The following ABCC1 variants were observed in gnomAD, a reference collection of about 807,000 sequenced individuals.
ABCC1 encodes the protein multidrug resistance-associated protein 1.
A neutral mutation model predicts 172.9 loss-of-function variants in ABCC1; 83 were observed. The observed-to-expected ratio is 0.48, with a 90% CI of 0.40 to 0.58. The LOEUF is 0.58. Among genes scored for constraint, ABCC1 ranks in the 20% least tolerant of loss-of-function variants. The pLI, the probability that ABCC1 is intolerant of heterozygous loss-of-function variation, is 0.00. For missense variants in ABCC1, 1,817 were observed against 2,002.7 expected (o/e 0.91, Z 1.77); for synonymous variants, 937 against 825.2 (o/e 1.14, Z -2.32).
Position 16,079,333 on chromosome 16 carries a change from G to T in ABCC1, c.1989-19G>T, listed in dbSNP as rs1226452420. 3 of 1,613,014 alleles carry T rather than the reference G, an allele frequency of 1.9e-6. 1 individual carries two copies. In the South Asian group the frequency reaches 3.3e-5, roughly 18 times the overall value. The stretch of plus-strand genomic sequence containing the variant: ...GCCTCATTCAGCGTGGCTGAGCCAG[G>T]TGTGTTGTGTCGTTTCAGCATCACC... On this transcript the variant is annotated intron_variant, in intron 15 of 30. Transcript: ENST00000399410.
At chr16:16,116,468 G>A (rs1312754030) in intron 23 of ABCC1, among the ~76,000 whole-genome samples, 1 of 151,798 alleles carries the variant, frequency 6.6e-6, no homozygotes, top group Non-Finnish European at 1.5e-5. Flanking sequence ...TATAAATTTG[G>A]CATAATAGAT....
chr16:16,019,101 T>C (rs1437862226), intron 5 of ABCC1, among the ~76,000 whole-genome samples: 1 of 152,082 alleles, frequency 6.6e-6, no homozygotes, highest in African/African-American at 2.4e-5. Context: ...GTTGTTTTTT[T>C]CTGTTGTTTT....
intron 1 of ABCC1, among the ~76,000 whole-genome samples, chr16:16,002,126 T>C (rs984415914): frequency 8.5e-5 from 13 of 152,188 alleles, no homozygotes; most frequent in Non-Finnish European, 1.9e-4. Context: ...AGGAGACCGA[T>C]GGAAGTCAAG....
chr16:16,058,863 C>CCAGG (rs944885666), intron 12 of ABCC1, among the ~76,000 whole-genome samples: 4 of 151,798 alleles, frequency 2.6e-5, no homozygotes, highest in African/African-American at 9.7e-5. Context: ...ACCATGTTGG[C>CCAGG]CAGGCTGGTC....
intron 14 of ABCC1, among the ~76,000 whole-genome samples, chr16:16,074,044 C>T (rs150618442): frequency 1.3e-5 from 2 of 152,278 alleles, no homozygotes; most frequent in East Asian, 1.9e-4. Flanking sequence ...CTGGTCTGAG[C>T]GAGATGGTCT....
In ABCC1 at chr16:16,071,745, G is replaced by T. The variant is rs1244597518; in HGVS notation, c.1912+16G>T. 3 of 1,609,460 alleles carry T rather than the reference G, an allele frequency of 1.9e-6. No individual in the cohort carries two copies. On this transcript the variant is annotated intron_variant, in intron 14 of 30. Coordinates refer to ENST00000399410, the MANE Select transcript of ABCC1 (RefSeq NM_004996.4). ...GTCAAAGACGGTGTGTGTGTGTTCA[G>T]TCCTGGCTTCTGGAAGTGGCCGCCT...
rs1398352031 is a variant in ABCC1, at chr16:16,033,110, A to T, written c.617A>T (p.Asn206Ile). 3.1e-6 allele frequency: 5 copies of T among 1,614,098 alleles called. No homozygotes were observed. The highest frequency in any genetic ancestry group is 4.2e-6 in the Non-Finnish European group (5 of 1,179,996). ...PLFSETIHDP[N>I]PCPESSASFL... ...AAACCTGTGCTTTCTTTCCACTAGAATCCCTGCCCAGAGTCCAGCGCTTCC... is the reference window on the plus strand; with the variant it reads ...AAACCTGTGCTTTCTTTCCACTAGATTCCCTGCCCAGAGTCCAGCGCTTCC... The change falls in exon 6 of 31, where the codon AAT (asparagine) becomes ATT (isoleucine). Residue 206 changes from asparagine to isoleucine, a missense_variant and splice_region_variant. Asn to Ile is a moderately radical substitution (Grantham distance 149). Coordinates refer to ENST00000399410, the MANE Select transcript of ABCC1 (RefSeq NM_004996.4).
At chr16:15,966,539 TTGG>T (rs1214241687) in intron 1 of ABCC1, among the ~76,000 whole-genome samples, 1 of 152,124 alleles carries the variant, frequency 6.6e-6, no homozygotes, top group Non-Finnish European at 1.5e-5. Context: ...TATAATTAGG[TTGG>T]CTTATCTGCG....
intron 1 of ABCC1, among the ~76,000 whole-genome samples, chr16:15,951,228 C>T (rs917364114): frequency 2.6e-5 from 4 of 151,980 alleles, no homozygotes; most frequent in South Asian, 4.1e-4. Context: ...TGTTTATTTT[C>T]TTCTGAATTG....
In ABCC1 at chr16:16,142,034, T is replaced by A. The variant is rs2046141873; in HGVS notation, c.*753T>A. On this transcript the variant is annotated 3_prime_UTR_variant, in exon 31 of 31. Transcript: ENST00000399410. ...ACCTGGAACTGTAGGGCCAGGGGATTGTCTCAGGGCCGACGTTCCACCTGG... is the reference window on the plus strand; with the variant it reads ...ACCTGGAACTGTAGGGCCAGGGGATAGTCTCAGGGCCGACGTTCCACCTGG... The A allele has an allele frequency of 6.6e-6, 1 of 152,268 alleles. No individual in the cohort carries two copies. The highest frequency in any genetic ancestry group is 1.5e-5 in the Non-Finnish European group (1 of 68,068). 9.4% of individuals were successfully genotyped at this position (152,268 alleles called of 1,614,324 possible).
intron 22 of ABCC1, among the ~76,000 whole-genome samples, chr16:16,113,613 G>A (rs2044719505): frequency 6.6e-6 from 1 of 152,112 alleles, no homozygotes; most frequent in South Asian, 2.1e-4. Context: ...CGTGATCACA[G>A]CCCTGTACTC....
At position 16,007,929 on chromosome 16, in the gene ABCC1, C is replaced by A; in HGVS notation, c.162C>A (p.Phe54Leu). 1 of 1,612,356 alleles carries A rather than the reference C, an allele frequency of 6.2e-7. No individual in the cohort carries two copies. The highest frequency in any genetic ancestry group is 8.5e-7 in the Non-Finnish European group (1 of 1,179,558). ...FYLWACFPFYFLYLSRHDRGY... is the reference protein window; with the variant it reads ...FYLWACFPFYLLYLSRHDRGY... ...TCTGGGCCTGTTTCCCCTTCTACTT[C>A]CTCTATCTCTCCCGACATGACCGAG... Residue 54 changes from phenylalanine to leucine, a missense_variant, in exon 2 of 31, where the codon TTC becomes TTA. By Grantham distance (22) the Phe-to-Leu change is conservative (BLOSUM62 0). Transcript: ENST00000399410.
intron 14 of ABCC1, among the ~76,000 whole-genome samples, chr16:16,073,527 C>T (rs2050434759): frequency 6.6e-6 from 1 of 152,152 alleles, no homozygotes; most frequent in Admixed American, 6.5e-5. Context: ...CTTTGGGAGG[C>T]CAAGGCTGGA....
chr16:16,101,840 G>T (rs914583682), intron 19 of ABCC1, among the ~76,000 whole-genome samples: 2 of 152,200 alleles, frequency 1.3e-5, no homozygotes, highest in Admixed American at 6.5e-5. Flanking sequence ...TATTGTTGAT[G>T]CTGGGTGGAT....
chr16:16,054,038 G>A (rs12934210), intron 11 of ABCC1, among the ~76,000 whole-genome samples: 1 of 151,370 alleles, frequency 6.6e-6, no homozygotes, highest in Non-Finnish European at 1.5e-5. Flanking sequence ...GCAGTCGTAC[G>A]ATCTTGGCTC....
rs939059682 is a variant in ABCC1 at position 16,083,420 on chromosome 16, G to C, written c.2170G>C (p.Glu724Gln). The C allele has an allele frequency of 6.2e-7, 1 of 1,613,782 alleles. No homozygotes were observed. The highest frequency in any genetic ancestry group is 1.3e-5 in the African/African-American group (1 of 74,924). ...QAWIQNDSLR[E>Q]NILFGCQLEE... ...CTGGATTCAGAATGATTCTCTCCGAGAAAACATCCTTTTTGGATGTCAGCT... is the reference window on the plus strand; with the variant it reads ...CTGGATTCAGAATGATTCTCTCCGACAAAACATCCTTTTTGGATGTCAGCT... Residue 724 changes from glutamate (E) to glutamine (Q), a missense_variant, in exon 17 of 31, where the codon GAA becomes CAA. Glu to Gln is a conservative substitution (Grantham distance 29). Transcript: ENST00000399410.
At chr16:15,987,354 G>T (rs1597075668) in intron 1 of ABCC1, among the ~76,000 whole-genome samples, 1 of 152,282 alleles carries the variant, frequency 6.6e-6, no homozygotes, top group East Asian at 1.9e-4. Context: ...AGTATTACAG[G>T]GTGAGGAGCT....
chr16:16,047,603 G>A lies in ABCC1; in HGVS notation c.1219-539G>A, dbSNP rs186947293. 2.4e-4 allele frequency among the ~76,000 whole-genome samples: 36 copies of A among 152,196 alleles called. No individual in the cohort carries two copies. In the East Asian group the frequency reaches 4.6e-3, roughly 20 times the overall value. On this transcript the variant is annotated intron_variant, in intron 9 of 30. Transcript: ENST00000399410. Reference sequence around the variant, plus strand: ...TGGGGGCGAGGGCATGTAGTGGGTCGAGGCCAGGTATTGCTGCTAAAACTC... The same window carrying A: ...TGGGGGCGAGGGCATGTAGTGGGTCAAGGCCAGGTATTGCTGCTAAAACTC...
At chr16:16,088,819 G>C (rs1056241304) in intron 18 of ABCC1, among the ~76,000 whole-genome samples, 1 of 151,884 alleles carries the variant, frequency 6.6e-6, no homozygotes, top group Non-Finnish European at 1.5e-5. Context: ...CAATCCTCCT[G>C]CCTTCTGAGT....
Sources: allele counts gnomAD v4.1 joint callset (sites outside exome capture counted in the v4.1 genomes callset), GRCh38; gene constraint gnomAD v4.1.1; transcripts MANE v1.5; gene names NCBI Gene and HGNC (gene_info 2026-07-23, HGNC 2026-07-21).